PDCD6IP: variants seen among roughly 807,000 people sequenced by gnomAD.
PDCD6IP encodes programmed cell death 6-interacting protein.
PDCD6IP carries 43 observed loss-of-function variants against 103.7 expected under a neutral mutation model. The ratio of observed to expected loss-of-function variants is 0.41; its 90% confidence interval spans 0.32 to 0.53. The LOEUF (loss-of-function observed/expected upper bound fraction) is 0.53. Ranked by LOEUF, PDCD6IP falls within the 20% of genes least tolerant of loss-of-function variation. The pLI is 0.16. For missense variants in PDCD6IP, 871 were observed against 1,036.7 expected (o/e 0.84, Z 2.20); for synonymous variants, 354 against 378.7 (o/e 0.93, Z 0.76).
intron 1 of PDCD6IP, among the ~76,000 whole-genome samples, chr3:33,799,887 G>A (rs1261482620): frequency 1.3e-5 from 2 of 152,034 alleles, no homozygotes; most frequent in Non-Finnish European, 1.5e-5. Flanking sequence ...TTGGGAGGCC[G>A]AGGCGGGCGG....
chr3:33,813,073 G>A (rs1462398694), intron 2 of PDCD6IP, among the ~76,000 whole-genome samples: 1 of 151,648 alleles, frequency 6.6e-6, no homozygotes, highest in African/African-American at 2.4e-5. Flanking sequence ...ACAAATCACG[G>A]GTATAGCTTG....
chr3:33,821,110 G>T (rs1289722933), intron 3 of PDCD6IP, among the ~76,000 whole-genome samples: 1 of 151,874 alleles, frequency 6.6e-6, no homozygotes, highest in Admixed American at 6.6e-5. Flanking sequence ...GGGCCCTAGT[G>T]GTCCTCCCGC....
intron 3 of PDCD6IP, among the ~76,000 whole-genome samples, chr3:33,814,629 TTA>T (rs1696797089): frequency 1.4e-5 from 2 of 145,436 alleles, no homozygotes; most frequent in African/African-American, 5.0e-5. Context: ...ATAATGTGTA[TTA>T]TATGTGCATA....
chr3:33,812,193 A>T, intron 2 of PDCD6IP, 67 bp downstream of exon 2: 1 of 1,546,280 alleles, frequency 6.5e-7, no homozygotes, highest in South Asian at 1.2e-5. Context: ...CAATATCTTC[A>T]CTGTCTTTAG....
At chr3:33,809,989 G>A (rs954682521) in intron 1 of PDCD6IP, among the ~76,000 whole-genome samples, 3 of 152,144 alleles carry the variant, frequency 2.0e-5, no homozygotes, top group East Asian at 1.9e-4. Flanking sequence ...TATTTTTATC[G>A]CTTGGTTAAG....
chr3:33,843,831 T>G (rs973627027), intron 10 of PDCD6IP, among the ~76,000 whole-genome samples: 1 of 152,000 alleles, frequency 6.6e-6, no homozygotes, highest in African/African-American at 2.4e-5. Context: ...CTTAAAACTT[T>G]CTTTAAATTG....
At chr3:33,846,789 GTTTA>G (rs1457237587) in intron 12 of PDCD6IP, among the ~76,000 whole-genome samples, 1 of 152,154 alleles carries the variant, frequency 6.6e-6, no homozygotes, top group East Asian at 1.9e-4. Flanking sequence ...GAATCTGTTT[GTTTA>G]TTTATTTATT....
intron 3 of PDCD6IP, among the ~76,000 whole-genome samples, chr3:33,821,320 G>A (rs977976171): frequency 6.6e-5 from 10 of 151,916 alleles, no homozygotes; most frequent in East Asian, 1.9e-4. Context: ...ACGAGTTTGC[G>A]TTCCTGCCAA....
chr3:33,830,626 A>G (rs906697114), intron 7 of PDCD6IP, among the ~76,000 whole-genome samples: 1 of 152,176 alleles, frequency 6.6e-6, no homozygotes, highest in Non-Finnish European at 1.5e-5. Context: ...CCTGTAGTCC[A>G]GCTACTTGGG....
At chr3:33,805,831 A>G (rs566594637) in intron 1 of PDCD6IP, among the ~76,000 whole-genome samples, 59 of 150,984 alleles carry the variant, frequency 3.9e-4, no homozygotes, top group South Asian at 3.2e-3. Context: ...TGCAAGCTCC[A>G]CCTCCCAGGT....
chr3:33,807,095 C>T (rs181105253), intron 1 of PDCD6IP, among the ~76,000 whole-genome samples: 1 of 152,176 alleles, frequency 6.6e-6, no homozygotes, highest in Non-Finnish European at 1.5e-5. Context: ...CTGTTCCCCC[C>T]ATACAGCTCA....
chr3:33,861,536 C>T (rs1697955384), intron 15 of PDCD6IP, among the ~76,000 whole-genome samples: 1 of 152,142 alleles, frequency 6.6e-6, no homozygotes, highest in African/African-American at 2.4e-5. Context: ...CTGTATTAGA[C>T]AGTACATGCT....
intron 15 of PDCD6IP, among the ~76,000 whole-genome samples, chr3:33,862,120 T>C (rs2125452648): frequency 6.6e-6 from 1 of 152,306 alleles, no homozygotes; most frequent in South Asian, 2.1e-4. Context: ...AAAGGTATTG[T>C]GTTAAAGCTT....
Position 33,864,049 on chromosome 3 carries a change from AT to A in PDCD6IP, c.2166del (p.Pro723LeufsTer155). On this transcript the variant is annotated frameshift_variant, in exon 16 of 18. Transcript: ENST00000307296. LOFTEE classifies it high-confidence loss of function. Reference protein sequence around the residue: ...SIAREPSAPSIPTPAYQSSPA... With the variant: ...SIAREPSAPSXPTPAYQSSPA... ...TGCCAGAGAACCTAGTGCTCCTTCAATTCCTACACCTGCGTATCAGTCCTCA... is the reference window on the plus strand; with the variant it reads ...TGCCAGAGAACCTAGTGCTCCTTCAATCCTACACCTGCGTATCAGTCCTCA... 6.2e-7 allele frequency: 1 copy of A among 1,614,102 alleles called. No individual in the cohort carries two copies. Among genetic ancestry groups the A allele is most frequent in the Non-Finnish European group, 8.5e-7 (1 of 1,179,970 alleles).
At chr3:33,849,746 G>C (rs1320505219) in intron 12 of PDCD6IP, among the ~76,000 whole-genome samples, 1 of 152,232 alleles carries the variant, frequency 6.6e-6, no homozygotes, top group Non-Finnish European at 1.5e-5. Context: ...TGTGGAAGCA[G>C]TTTAATTCAT....
At chr3:33,799,278 C>G in intron 1 of PDCD6IP, 1 of 255,002 alleles carries the variant, frequency 3.9e-6, no homozygotes, top group Admixed American at 5.4e-5. Flanking sequence ...CTAACTGAAG[C>G]TTCCCCTTTC....
chr3:33,835,905 G>A (rs1446517747), intron 7 of PDCD6IP, 139 bp from the exon 8 acceptor site: 1 of 602,420 alleles, frequency 1.7e-6, no homozygotes, highest in Non-Finnish European at 2.9e-6. Context: ...AGGTAACCCT[G>A]TCAGCCACAT....
intron 12 of PDCD6IP, among the ~76,000 whole-genome samples, chr3:33,850,680 G>A (rs1697694545): frequency 1.3e-5 from 2 of 151,906 alleles, no homozygotes; most frequent in African/African-American, 4.8e-5. Flanking sequence ...ATATGTCCTG[G>A]AAGTCACTTG....
intron 1 of PDCD6IP, among the ~76,000 whole-genome samples, chr3:33,809,749 T>G (rs1696675971): frequency 6.6e-6 from 1 of 152,244 alleles, no homozygotes; most frequent in Non-Finnish European, 1.5e-5. Context: ...TACGTCTCTT[T>G]AATCTCCTTC....
Sources: allele counts gnomAD v4.1 joint callset (sites outside exome capture counted in the v4.1 genomes callset), GRCh38; gene constraint gnomAD v4.1.1; transcripts MANE v1.5; gene names NCBI Gene and HGNC (gene_info 2026-07-23, HGNC 2026-07-21).